Variants in RPUSD2 observed in about 807,000 individuals in gnomAD.
RPUSD2 encodes the protein pseudouridylate synthase RPUSD2.
Under a neutral mutation model 41.5 loss-of-function variants are expected in RPUSD2, and 31 were observed. The observed-to-expected ratio is 0.75, with a 90% CI of 0.56 to 1.01. RPUSD2 has a LOEUF of 1.01. Ranked by LOEUF, RPUSD2 falls within the 50% of genes least tolerant of loss-of-function variation. RPUSD2 has a pLI of 0.00. For missense variants in RPUSD2, 749 were observed against 724.7 expected, an observed-to-expected ratio of 1.03 and a Z score of -0.38; for synonymous variants, 305 against 289.7, an observed-to-expected ratio of 1.05 and a Z score of -0.54.
rs1891098551 is a variant in RPUSD2 at position 40,569,815 on chromosome 15, C to T, written c.478C>T (p.His160Tyr). 2.5e-6 allele frequency: 4 copies of T among 1,613,468 alleles called. No individual in the cohort carries two copies. The highest frequency in any genetic ancestry group is 3.4e-6 in the Non-Finnish European group (4 of 1,179,826). Residue 160 changes from histidine to tyrosine, a missense_variant, in exon 1 of 3, where the codon CAC becomes TAC. Coordinates refer to ENST00000315616, the MANE Select transcript of RPUSD2 (RefSeq NM_152260.3). ...CTACTGCAAAGGTCGCTGGGTGGGC[C>T]ACAGCTTGCTGCACGTCTTCAGTAC... ...RTYCKGRWVGHSLLHVFSTEF... is the reference protein window; with the variant it reads ...RTYCKGRWVGYSLLHVFSTEF...
At chr15:40,570,152 C>T (rs1891108668) in intron 1 of RPUSD2, 3 of 569,284 alleles carry the variant, frequency 5.3e-6, no homozygotes, top group Non-Finnish European at 5.8e-6. Flanking sequence ...CAGGACTCAG[C>T]CTGTTTATCC....
At position 40,571,205 on chromosome 15, in the gene RPUSD2, T is replaced by C. The variant is rs559529677; in HGVS notation, c.607-399T>C. Among the ~76,000 whole-genome samples the C allele has an allele frequency of 3.9e-3, 588 of 152,276 alleles. 11 individuals carry two copies. The highest frequency in any genetic ancestry group is 0.013 in the African/African-American group (556 of 41,552). ...CAGAGTTTGACCATGTTAGCCAGGATGGTCTTGATCTCGTGATCCACCCAC... is the reference window on the plus strand; with the variant it reads ...CAGAGTTTGACCATGTTAGCCAGGACGGTCTTGATCTCGTGATCCACCCAC... On this transcript the variant is annotated intron_variant, in intron 1 of 2. Transcript: ENST00000315616.
chr15:40,569,721 T>C lies in RPUSD2; in HGVS notation c.384T>C (p.Phe128=), dbSNP rs35951300. The part of the protein sequence containing the change: ...RTGVSFGDEH[F]AETSYYFEGG... ...GGGTGAGCTTCGGAGATGAGCACTTTGCAGAAACCAGTTATTACTTCGAGG... is the reference window on the plus strand; with the variant it reads ...GGGTGAGCTTCGGAGATGAGCACTTCGCAGAAACCAGTTATTACTTCGAGG... Residue 128 remains phenylalanine (F), a synonymous_variant, in exon 1 of 3, where the codon TTT becomes TTC. Coordinates refer to ENST00000315616, the MANE Select transcript of RPUSD2 (RefSeq NM_152260.3). The C allele has an allele frequency of 1.3e-3, 2,118 of 1,593,008 alleles. 21 individuals carry two copies. In the African/African-American group the frequency reaches 0.025, roughly 19 times the overall value.
rs544967798 is a variant in RPUSD2 at position 40,571,843 on chromosome 15, G to A, written c.846G>A (p.Met282Ile). 15 of 1,614,236 alleles carry A rather than the reference G, an allele frequency of 9.3e-6. No individual in the cohort carries two copies. The highest frequency in any genetic ancestry group is 1.2e-5 in the Non-Finnish European group (14 of 1,180,038). Residue 282 changes from methionine to isoleucine, a missense_variant, in exon 2 of 3, where the codon ATG (methionine) becomes ATA (isoleucine). Transcript: ENST00000315616. ...ACCGCCTTACCTCAGGGGTGCTTAT[G>A]TTTGCCAAGACAGCTGCAGTCTCTG... ...RLDRLTSGVL[M>I]FAKTAAVSER...
At position 40,569,424 on chromosome 15, in the gene RPUSD2, T is replaced by C. The variant is rs1891083419; in HGVS notation, c.87T>C (p.Ser29=). ...LRRPSFTRTW[S]GDKGPMAETV... is the part of the protein sequence containing the mutation. ...GCCCTAGCTTTACCAGGACTTGGAGTGGCGATAAGGGCCCAATGGCAGAAA... is the reference window on the plus strand; with the variant it reads ...GCCCTAGCTTTACCAGGACTTGGAGCGGCGATAAGGGCCCAATGGCAGAAA... The change falls in exon 1 of 3, where the codon AGT becomes AGC. Residue 29 remains serine, a synonymous_variant. Transcript: ENST00000315616. 1.3e-6 allele frequency: 2 copies of C among 1,553,636 alleles called. No individual in the cohort carries two copies. Among genetic ancestry groups the C allele is most frequent in the Admixed American group, 2.1e-5 (1 of 47,190 alleles).
At position 40,573,521 on chromosome 15, in the gene RPUSD2, A is replaced by G. The variant is rs1028739542; in HGVS notation, c.904-6A>G. ...ACTGACTTTCTCCCTCTTCCCTCCT[A>G]TGTAGCTGGAGAAGGAGTACGTGTG... On this transcript the variant is annotated splice_polypyrimidine_tract_variant and splice_region_variant and intron_variant, in intron 2 of 2. Transcript: ENST00000315616. 1.2e-6 allele frequency: 2 copies of G among 1,606,412 alleles called. No individual in the cohort carries two copies. Among genetic ancestry groups the G allele is most frequent in the African/African-American group, 1.3e-5 (1 of 74,896 alleles).
chr15:40,574,112 C>T lies in RPUSD2; in HGVS notation c.1489C>T (p.Pro497Ser), dbSNP rs756414480. The change falls in exon 3 of 3, where the codon CCA becomes TCA. Residue 497 changes from proline to serine, a missense_variant. Coordinates refer to ENST00000315616, the MANE Select transcript of RPUSD2 (RefSeq NM_152260.3). Reference sequence around the variant, plus strand: ...AGATGTCATGAATCAAGAGACAGACCCACTCTGTGCAGAGTGCCGGCTGGT... The same window carrying T: ...AGATGTCATGAATCAAGAGACAGACTCACTCTGTGCAGAGTGCCGGCTGGT... ...ETDVMNQETD[P>S]LCAECRLVRQ... 1.3e-4 allele frequency: 202 copies of T among 1,614,052 alleles called. No homozygotes were observed. Among genetic ancestry groups the T allele is most frequent in the Non-Finnish European group, 1.7e-4 (197 of 1,180,052 alleles).
chr15:40,572,564 C>CAAA (rs1353712093), intron 2 of RPUSD2, among the ~76,000 whole-genome samples: 1 of 83,810 alleles, frequency 1.2e-5, no homozygotes, highest in Non-Finnish European at 2.7e-5. Context: ...GACTCTGTCT[C>CAAA]AAAAAAAAAA....
In RPUSD2 at chr15:40,574,912, C is replaced by G. The variant is rs1030095357; in HGVS notation, c.*651C>G. Reference sequence around the variant, plus strand: ...GTCTGTTTGGATTTGCCTGTTTATTCTGGACATTTTATATAAATGGAATGA... The same window carrying G: ...GTCTGTTTGGATTTGCCTGTTTATTGTGGACATTTTATATAAATGGAATGA... On this transcript the variant is annotated 3_prime_UTR_variant, in exon 3 of 3. Coordinates refer to ENST00000315616, the MANE Select transcript of RPUSD2 (RefSeq NM_152260.3). 1 of 152,228 alleles carries G rather than the reference C, an allele frequency of 6.6e-6. No individual in the cohort carries two copies. The highest frequency in any genetic ancestry group is 2.4e-5 in the African/African-American group (1 of 41,458). 9.4% of individuals were successfully genotyped at this position (152,228 alleles called of 1,614,324 possible).
In RPUSD2 at chr15:40,573,954, C is replaced by T. The variant is rs758080951; in HGVS notation, c.1331C>T (p.Ala444Val). The T allele has an allele frequency of 2.5e-6, 4 of 1,614,006 alleles. No individual in the cohort carries two copies. Among genetic ancestry groups the T allele is most frequent in the South Asian group, 2.2e-5 (2 of 91,086 alleles). ...TCCCCAGGACTCACAGACTCTACGG[C>T]CCCCTCCTCAGAGTTGGGCAAGGAC... is the stretch of plus-strand genomic sequence containing the variant. ...DLSPGLTDST[A>V]PSSELGKDDL... Residue 444 changes from alanine (A) to valine (V), a missense_variant, in exon 3 of 3, where the codon GCC becomes GTC. Ala to Val is a moderately conservative substitution (Grantham distance 64, BLOSUM62 0). Transcript: ENST00000315616.
chr15:40,570,315 C>G (rs564018931), intron 1 of RPUSD2, among the ~76,000 whole-genome samples: 2 of 152,196 alleles, frequency 1.3e-5, no homozygotes, highest in Non-Finnish European at 2.9e-5. Context: ...TCATTTATGT[C>G]TCTTTACTGT....
rs1262100644 is a variant in RPUSD2 at position 40,574,391 on chromosome 15, A to G, written c.*130A>G. 1.8e-6 allele frequency: 2 copies of G among 1,097,194 alleles called. No homozygotes were observed. Among genetic ancestry groups the G allele is most frequent in the East Asian group, 2.5e-5 (1 of 40,392 alleles). 68.0% of individuals were successfully genotyped at this position (1,097,194 alleles called of 1,614,324 possible). ...GACGGGCTTCTAAAGAGACCTGCTCATACTTGCTACCTCCTTCCAGTGGGA... is the reference window on the plus strand; with the variant it reads ...GACGGGCTTCTAAAGAGACCTGCTCGTACTTGCTACCTCCTTCCAGTGGGA... On this transcript the variant is annotated 3_prime_UTR_variant, in exon 3 of 3. Transcript: ENST00000315616.
Position 40,573,697 on chromosome 15 carries a change from T to G in RPUSD2, c.1074T>G (p.Ser358Arg), listed in dbSNP as rs1442603828. The G allele has an allele frequency of 6.2e-7, 1 of 1,614,168 alleles. No individual in the cohort carries two copies. The highest frequency in any genetic ancestry group is 1.7e-5 in the Admixed American group (1 of 60,024). The change falls in exon 3 of 3, where the codon AGT becomes AGG. Residue 358 changes from serine (S) to arginine (R), a missense_variant. Coordinates refer to ENST00000315616, the MANE Select transcript of RPUSD2 (RefSeq NM_152260.3). ...GGCTAAGCTACAATGGCCAGTCCAGTGTGGTACGGTGCCGGCCACTCACAG... is the reference window on the plus strand; with the variant it reads ...GGCTAAGCTACAATGGCCAGTCCAGGGTGGTACGGTGCCGGCCACTCACAG... ...FQRLSYNGQS[S>R]VVRCRPLTGR...
At position 40,571,810 on chromosome 15, in the gene RPUSD2, T is replaced by C. The variant is rs761810822; in HGVS notation, c.813T>C (p.His271=). The C allele has an allele frequency of 6.2e-7, 1 of 1,614,236 alleles. No homozygotes were observed. Among genetic ancestry groups the C allele is most frequent in the Non-Finnish European group, 8.5e-7 (1 of 1,180,030 alleles). ...AACTCAAGGAGCTACACCCCTTGCATCGGCTTGACCGCCTTACCTCAGGGG... is the reference window on the plus strand; with the variant it reads ...AACTCAAGGAGCTACACCCCTTGCACCGGCTTGACCGCCTTACCTCAGGGG... ...EHQLKELHPL[H]RLDRLTSGVL... The change falls in exon 2 of 3, where the codon CAT becomes CAC. Residue 271 remains histidine, a synonymous_variant. Coordinates refer to ENST00000315616, the MANE Select transcript of RPUSD2 (RefSeq NM_152260.3).
In RPUSD2 at chr15:40,573,637, T is replaced by A; in HGVS notation, c.1014T>A (p.Asp338Glu). 1 of 1,613,960 alleles carries A rather than the reference T, an allele frequency of 6.2e-7. No homozygotes were observed. Among genetic ancestry groups the A allele is most frequent in the East Asian group, 2.2e-5 (1 of 44,872 alleles). ...VSYKVGVCRVDPRGKPCETVF... is the reference protein window; with the variant it reads ...VSYKVGVCRVEPRGKPCETVF... ...ACAAAGTAGGGGTGTGCCGTGTAGATCCCCGGGGCAAGCCCTGTGAGACAG... is the reference window on the plus strand; with the variant it reads ...ACAAAGTAGGGGTGTGCCGTGTAGAACCCCGGGGCAAGCCCTGTGAGACAG... The change falls in exon 3 of 3, where the codon GAT (aspartate) becomes GAA (glutamate). Residue 338 changes from aspartate to glutamate, a missense_variant. Physicochemically the swap from Asp to Glu is conservative, Grantham distance 45 (BLOSUM62 2). Coordinates refer to ENST00000315616, the MANE Select transcript of RPUSD2 (RefSeq NM_152260.3).
At position 40,569,460 on chromosome 15, in the gene RPUSD2, C is replaced by A; in HGVS notation, c.123C>A (p.Thr41=). 3 of 1,573,716 alleles carry A rather than the reference C, an allele frequency of 1.9e-6. 1 individual carries two copies. In the South Asian group the frequency reaches 3.6e-5, roughly 19 times the overall value. Residue 41 remains threonine (T), a synonymous_variant, in exon 1 of 3, where the codon ACC becomes ACA. Transcript: ENST00000315616. The part of the protein sequence containing the change: ...DKGPMAETVS[T]QVGTEGGLRA... ...GCCCAATGGCAGAAACAGTGTCTAC[C>A]CAGGTTGGGACAGAGGGCGGGCTGA...
At chr15:40,571,262 G>A (rs1254176421) in intron 1 of RPUSD2, among the ~76,000 whole-genome samples, 1 of 152,168 alleles carries the variant, frequency 6.6e-6, no homozygotes, top group African/African-American at 2.4e-5. Context: ...GATTAGAGGC[G>A]TGAGCCACTG....
Position 40,574,303 on chromosome 15 carries a change from G to A in RPUSD2, c.*42G>A. On this transcript the variant is annotated 3_prime_UTR_variant, in exon 3 of 3. Coordinates refer to ENST00000315616, the MANE Select transcript of RPUSD2 (RefSeq NM_152260.3). ...GGGATTGCTTCTTGGGTTGTGACAA[G>A]GATGGGCTATAGGGCAAGGGCTGAC... The A allele has an allele frequency of 6.3e-7, 1 of 1,579,084 alleles. No individual in the cohort carries two copies. Among genetic ancestry groups the A allele is most frequent in the Non-Finnish European group, 8.6e-7 (1 of 1,164,646 alleles).
Position 40,569,459 on chromosome 15 carries a change from C to T in RPUSD2, c.122C>T (p.Thr41Ile). The change falls in exon 1 of 3, where the codon ACC becomes ATC. Residue 41 changes from threonine to isoleucine, a missense_variant. Thr to Ile is a moderately conservative substitution (Grantham distance 89, BLOSUM62 -1). Coordinates refer to ENST00000315616, the MANE Select transcript of RPUSD2 (RefSeq NM_152260.3). ...DKGPMAETVS[T>I]QVGTEGGLRA... is the part of the protein sequence containing the mutation. ...GGCCCAATGGCAGAAACAGTGTCTA[C>T]CCAGGTTGGGACAGAGGGCGGGCTG... 1.3e-6 allele frequency: 2 copies of T among 1,573,780 alleles called. No individual in the cohort carries two copies. The highest frequency in any genetic ancestry group is 1.7e-6 in the Non-Finnish European group (2 of 1,164,146).
Sources: allele counts gnomAD v4.1 joint callset (sites outside exome capture counted in the v4.1 genomes callset), GRCh38; gene constraint gnomAD v4.1.1; transcripts MANE v1.5; gene names NCBI Gene and HGNC (gene_info 2026-07-23, HGNC 2026-07-21).